ZNF423: variants seen among roughly 807,000 people sequenced by gnomAD.
The protein encoded by ZNF423 is Ebf-associated zinc finger protein.
In ZNF423, 12 loss-of-function variants were observed where a neutral mutation model predicts 95.8. That is an observed-to-expected ratio of 0.13 (90% confidence interval 0.08 to 0.20). ZNF423 has a LOEUF of 0.20. Ranked by LOEUF, ZNF423 falls within the 10% of genes least tolerant of loss-of-function variation. ZNF423 has a pLI of 1.00. For synonymous variants in ZNF423, 749 were observed against 711.9 expected, an observed-to-expected ratio of 1.05 and a Z score of -0.83; for missense variants, 1,316 against 1,737.1, an observed-to-expected ratio of 0.76 and a Z score of 4.31.
At chr16:49,730,623 T>C (rs1567315957) in intron 3 of ZNF423, 148 bp downstream of exon 3, 6 of 814,938 alleles carry the variant, frequency 7.4e-6, no homozygotes, top group South Asian at 1.8e-5. Context: ...AAAAGGCGGA[T>C]ACAGGGTACC....
intron 7 of ZNF423, among the ~76,000 whole-genome samples, chr16:49,514,255 C>A (rs1968038131): frequency 6.9e-6 from 1 of 144,774 alleles, no homozygotes; most frequent in South Asian, 2.2e-4. Flanking sequence ...CGCACACACA[C>A]ACACACATGC....
At chr16:49,714,178 C>T (rs115494385) in intron 3 of ZNF423, among the ~76,000 whole-genome samples, 3,013 of 152,272 alleles carry the variant, frequency 0.02, 103 homozygotes, top group African/African-American at 0.068. Flanking sequence ...TCATGGGCTC[C>T]GAAGGGCGGG....
At chr16:49,679,331 G>A (rs1219324034) in intron 3 of ZNF423, among the ~76,000 whole-genome samples, 3 of 152,232 alleles carry the variant, frequency 2.0e-5, no homozygotes, top group Non-Finnish European at 4.4e-5. Context: ...CAAGTTGGCA[G>A]GGTGGGATCC....
chr16:49,542,836 G>C (rs1421407625), intron 5 of ZNF423, among the ~76,000 whole-genome samples: 1 of 152,328 alleles, frequency 6.6e-6, no homozygotes, highest in African/African-American at 2.4e-5. Context: ...CAGGTCAGCG[G>C]AAACTTGGCA....
intron 4 of ZNF423, among the ~76,000 whole-genome samples, chr16:49,634,107 C>T (rs1307120635): frequency 6.6e-6 from 1 of 151,652 alleles, no homozygotes; most frequent in Non-Finnish European, 1.5e-5. Flanking sequence ...GGGGTTTCAC[C>T]GTGTTGGCCA....
intron 3 of ZNF423, among the ~76,000 whole-genome samples, chr16:49,686,594 AC>A (rs2031574111): frequency 4.6e-5 from 7 of 151,802 alleles, no homozygotes; most frequent in Admixed American, 2.0e-4. Context: ...GACCCACCAC[AC>A]TTGAGTGGCC....
At position 49,499,748 on chromosome 16, in the gene ZNF423, C is replaced by T. The variant is rs1416371308; in HGVS notation, c.3850-8444G>A. On this transcript the variant is annotated intron_variant, in intron 7 of 7. Coordinates refer to ENST00000563137, the MANE Select transcript of ZNF423 (RefSeq NM_001379286.1). Reference sequence around the variant, plus strand: ...AGGAAACTCTTCCCTCGCATGAAAACGTGGGAGAAAATATTGTGGGGAAGA... The same window carrying T: ...AGGAAACTCTTCCCTCGCATGAAAATGTGGGAGAAAATATTGTGGGGAAGA... 4.6e-5 allele frequency among the ~76,000 whole-genome samples: 7 copies of T among 152,112 alleles called. No individual in the cohort carries two copies. In the East Asian group the frequency reaches 5.8e-4, roughly 13 times the overall value.
In ZNF423 at chr16:49,829,100, G is replaced by A. The variant is rs550498609; in HGVS notation, c.40+26635C>T. 3.3e-5 allele frequency among the ~76,000 whole-genome samples: 5 copies of A among 152,282 alleles called. No individual in the cohort carries two copies. In the East Asian group the frequency reaches 5.8e-4, roughly 18 times the overall value. On this transcript the variant is annotated intron_variant, in intron 1 of 7. Coordinates refer to ENST00000563137, the MANE Select transcript of ZNF423 (RefSeq NM_001379286.1). ...ATCATGTGGCTGTCCCCAGACCCAC[G>A]TCATCTGAGCCCTGGGGATGGTCAA...
intron 5 of ZNF423, among the ~76,000 whole-genome samples, chr16:49,544,366 C>A (rs1181496143): frequency 3.3e-5 from 5 of 152,144 alleles, no homozygotes; most frequent in Admixed American, 3.3e-4. Context: ...TCTCTCTGAA[C>A]GTACGCTATA....
intron 1 of ZNF423, among the ~76,000 whole-genome samples, chr16:49,821,901 T>C (rs1380814743): frequency 6.6e-6 from 1 of 152,206 alleles, no homozygotes; most frequent in Non-Finnish European, 1.5e-5. Flanking sequence ...AGGTCTGCTG[T>C]GCACAACCAT....
intron 3 of ZNF423, among the ~76,000 whole-genome samples, chr16:49,665,856 GA>G (rs1247294114): frequency 6.6e-6 from 1 of 151,972 alleles, no homozygotes; most frequent in Non-Finnish European, 1.5e-5. Context: ...TTTCTTTTCA[GA>G]AAAAAAGAAA....
rs576610929 is a variant in ZNF423, at chr16:49,523,990, A to T, written c.3734-251T>A. On this transcript the variant is annotated intron_variant, in intron 6 of 7. Coordinates refer to ENST00000563137, the MANE Select transcript of ZNF423 (RefSeq NM_001379286.1). ...TCTCTGGGCTCCATTTCCTCACTCA[A>T]AAAATGAAGATTATAATATGTCCCT... is the stretch of plus-strand genomic sequence containing the variant. 1.5e-3 allele frequency among the ~76,000 whole-genome samples: 232 copies of T among 152,288 alleles called. 2 individuals carry two copies. The highest frequency in any genetic ancestry group is 3.1e-3 in the South Asian group (15 of 4,816).
In ZNF423 at chr16:49,710,910, A is replaced by T. The variant is rs925934443; in HGVS notation, c.301+19861T>A. Among the ~76,000 whole-genome samples, 5 of 152,230 alleles carry T rather than the reference A, an allele frequency of 3.3e-5. No individual in the cohort carries two copies. The South Asian group carries it at 8.3e-4, about 25-fold the overall frequency. ...CCCCACCCCCAGGCTTCACTTGGGG[A>T]CATGGGGCTCAGATCCAAGTCTTAT... On this transcript the variant is annotated intron_variant, in intron 3 of 7. Transcript: ENST00000563137.
chr16:49,525,110 G>T (rs1968550490), intron 6 of ZNF423, among the ~76,000 whole-genome samples: 1 of 152,232 alleles, frequency 6.6e-6, no homozygotes, highest in South Asian at 2.1e-4. Flanking sequence ...TGTGCAGAGG[G>T]CGAGGAGAGG....
chr16:49,854,530 T>C (rs2035336271), intron 1 of ZNF423: 1 of 985,406 alleles, frequency 1.0e-6, no homozygotes. Flanking sequence ...TCAGGGGAGA[T>C]GGGAGAAGAC....
intron 1 of ZNF423, among the ~76,000 whole-genome samples, chr16:49,832,429 C>T (rs1030580529): frequency 2.0e-5 from 3 of 152,186 alleles, no homozygotes; most frequent in East Asian, 3.8e-4. Context: ...CCTCGCAAAG[C>T]GACTCCCTGT....
At chr16:49,643,849 T>A (rs1453289788) in intron 3 of ZNF423, among the ~76,000 whole-genome samples, 1 of 152,124 alleles carries the variant, frequency 6.6e-6, no homozygotes, top group Non-Finnish European at 1.5e-5. Flanking sequence ...AAAAATTCAA[T>A]TAAGTTGAAA....
At chr16:49,781,389 C>CA (rs2034979550) in intron 2 of ZNF423, among the ~76,000 whole-genome samples, 1 of 152,280 alleles carries the variant, frequency 6.6e-6, no homozygotes, top group East Asian at 1.9e-4. Context: ...ACGTGGGTCC[C>CA]AGGATCACAG....
chr16:49,580,187 G>T (rs533369639), intron 5 of ZNF423, among the ~76,000 whole-genome samples: 2 of 152,200 alleles, frequency 1.3e-5, no homozygotes, highest in African/African-American at 4.8e-5. Flanking sequence ...ATCCTGGAAG[G>T]CCCAATATCT....
Sources: allele counts gnomAD v4.1 joint callset (sites outside exome capture counted in the v4.1 genomes callset), GRCh38; gene constraint gnomAD v4.1.1; transcripts MANE v1.5; gene names NCBI Gene and HGNC (gene_info 2026-07-23, HGNC 2026-07-21).